Variants in CYRIA observed in about 807,000 individuals in gnomAD.
CYRIA encodes the protein CYFIP-related Rac1 interactor A.
In CYRIA, 15 loss-of-function variants were observed where a neutral mutation model predicts 43.9. That is an observed-to-expected ratio of 0.34 (90% CI 0.23 to 0.53). The LOEUF (loss-of-function observed/expected upper bound fraction) is 0.53, where lower values mean the gene tolerates loss of function less well. CYRIA is among the 20% of genes least tolerant of loss of function. The pLI, the probability that CYRIA is intolerant of heterozygous loss-of-function variation, is 0.94. For synonymous variants in CYRIA, 117 were observed against 136.0 expected (o/e 0.86, Z 0.97); for missense variants, 236 against 394.2 (o/e 0.60, Z 3.40).
intron 2 of CYRIA, among the ~76,000 whole-genome samples, chr2:16,591,094 G>A (rs11675712): frequency 0.11 from 16,935 of 151,956 alleles, 1,014 homozygotes; most frequent in Middle Eastern, 0.16. Flanking sequence ...CAAAATATAC[G>A]TTGCTATTAC....
intron 3 of CYRIA, among the ~76,000 whole-genome samples, chr2:16,576,848 A>G (rs1667368134): frequency 6.6e-6 from 1 of 152,214 alleles, no homozygotes; most frequent in Non-Finnish European, 1.5e-5. Flanking sequence ...AAAGAAGGAA[A>G]TCCTGCCATA....
At chr2:16,574,032 A>C (rs1667235500) in intron 3 of CYRIA, among the ~76,000 whole-genome samples, 1 of 152,196 alleles carries the variant, frequency 6.6e-6, no homozygotes, top group Non-Finnish European at 1.5e-5. Context: ...AAAAGTTTAG[A>C]ACTCCCTAGA....
chr2:16,579,829 G>C (rs7592666), intron 3 of CYRIA, among the ~76,000 whole-genome samples: 42,056 of 151,842 alleles, frequency 0.28, 6,420 homozygotes, highest in African/African-American at 0.37. Context: ...TATAAACATT[G>C]ATTAATGCAA....
At chr2:16,619,404 C>CATAT in intron 2 of CYRIA, among the ~76,000 whole-genome samples, 1 of 152,062 alleles carries the variant, frequency 6.6e-6, no homozygotes, top group Non-Finnish European at 1.5e-5. Flanking sequence ...TATACACACA[C>CATAT]ACATATACAT....
chr2:16,572,992 T>G (rs1667196284), intron 3 of CYRIA, among the ~76,000 whole-genome samples: 1 of 152,212 alleles, frequency 6.6e-6, no homozygotes, highest in Non-Finnish European at 1.5e-5. Context: ...AGAGATCATG[T>G]TCTTCCAATG....
At chr2:16,648,538 C>T (rs1669881110) in intron 1 of CYRIA, among the ~76,000 whole-genome samples, 1 of 152,096 alleles carries the variant, frequency 6.6e-6, no homozygotes, top group Admixed American at 6.6e-5. Flanking sequence ...CAGCAAAAGG[C>T]TTTGTGGATG....
At chr2:16,641,915 T>A (rs901196391) in intron 1 of CYRIA, among the ~76,000 whole-genome samples, 1 of 152,254 alleles carries the variant, frequency 6.6e-6, no homozygotes, top group Admixed American at 6.5e-5. Flanking sequence ...AATTGAGTTA[T>A]CATCCCTTTT....
At chr2:16,651,537 G>C (rs541853610) in intron 1 of CYRIA, among the ~76,000 whole-genome samples, 2 of 152,314 alleles carry the variant, frequency 1.3e-5, no homozygotes, top group East Asian at 3.9e-4. Flanking sequence ...CCTCTCACCA[G>C]GTAGCACCTT....
At chr2:16,604,686 T>C (rs1000232977) in intron 2 of CYRIA, among the ~76,000 whole-genome samples, 2 of 152,270 alleles carry the variant, frequency 1.3e-5, no homozygotes, top group Non-Finnish European at 2.9e-5. Context: ...GGGAAAAATA[T>C]GCACCACTGG....
intron 3 of CYRIA, among the ~76,000 whole-genome samples, chr2:16,580,529 G>A (rs544754975): frequency 2.0e-5 from 3 of 152,124 alleles, no homozygotes; most frequent in African/African-American, 7.2e-5. Context: ...TATATTCACA[G>A]ATAGGAAAAA....
Position 16,565,630 on chromosome 2 carries a change from G to A in CYRIA, c.192+16C>T, listed in dbSNP as rs772076236. 15 of 1,545,050 alleles carry A rather than the reference G, an allele frequency of 9.7e-6. No homozygotes were observed. Among genetic ancestry groups the A allele is most frequent in the South Asian group, 4.8e-5 (4 of 83,864 alleles). On this transcript the variant is annotated intron_variant, in intron 4 of 11. Coordinates refer to ENST00000381323, the MANE Select transcript of CYRIA (RefSeq NM_030797.4). ...CCTCCTCGGGTGTTGTCAGTTCAGC[G>A]TGATCATTGACATACATCTCGGATC...
At chr2:16,585,015 A>G (rs1667675850) in intron 3 of CYRIA, among the ~76,000 whole-genome samples, 1 of 152,064 alleles carries the variant, frequency 6.6e-6, no homozygotes, top group African/African-American at 2.4e-5. Context: ...CTGAGACTTC[A>G]TTGGGCAATG....
chr2:16,583,627 G>GCA (rs1667625986), intron 3 of CYRIA, among the ~76,000 whole-genome samples: 1 of 152,174 alleles, frequency 6.6e-6, no homozygotes, highest in African/African-American at 2.4e-5. Context: ...GGGTCTGGTT[G>GCA]CACAATCTTG....
chr2:16,612,191 A>T (rs1212226723), intron 2 of CYRIA, among the ~76,000 whole-genome samples: 1 of 152,202 alleles, frequency 6.6e-6, no homozygotes, highest in Non-Finnish European at 1.5e-5. Flanking sequence ...GCATGAAAGA[A>T]TGAGTGAAGA....
At chr2:16,555,256 G>A (rs967623632) in intron 10 of CYRIA, 117 bp from the exon 11 acceptor site, 26 of 988,728 alleles carry the variant, frequency 2.6e-5, no homozygotes, top group African/African-American at 8.0e-5. Flanking sequence ...GAAATCCAAC[G>A]CAGAAATGAC....
intron 1 of CYRIA, among the ~76,000 whole-genome samples, chr2:16,657,841 T>TTGAGTGTATGTATTA (rs1670157913): frequency 6.6e-6 from 1 of 152,216 alleles, no homozygotes; most frequent in Non-Finnish European, 1.5e-5. Context: ...CTCATTCATC[T>TTGAGTGTATGTATTA]TGAGTGTAAT....
intron 2 of CYRIA, among the ~76,000 whole-genome samples, chr2:16,605,522 A>G (rs1668367162): frequency 6.6e-6 from 1 of 152,200 alleles, no homozygotes; most frequent in Non-Finnish European, 1.5e-5. Flanking sequence ...CAGCCTACCC[A>G]GGCCCGTTCT....
At chr2:16,635,908 C>T (rs956160628) in intron 1 of CYRIA, among the ~76,000 whole-genome samples, 1 of 152,192 alleles carries the variant, frequency 6.6e-6, no homozygotes, top group Admixed American at 6.5e-5. Flanking sequence ...CTCTGTACCA[C>T]TTGGGATTGA....
chr2:16,664,049 C>T (rs930902857), intron 1 of CYRIA, among the ~76,000 whole-genome samples: 1 of 152,166 alleles, frequency 6.6e-6, no homozygotes, highest in South Asian at 2.1e-4. Flanking sequence ...GGAAAGAGCC[C>T]CTGCCCCATG....
Sources: gnomAD v4.1 joint callset for allele counts (sites outside exome capture counted in the v4.1 genomes callset) on GRCh38, gnomAD v4.1.1 for gene constraint, MANE v1.5 for transcripts, NCBI Gene and HGNC (gene_info 2026-07-23, HGNC 2026-07-21) for gene names.